Variants in ZBTB49 observed in about 807,000 individuals in gnomAD.
The protein encoded by ZBTB49 is zinc finger and BTB domain-containing protein 49.
Under a neutral mutation model 57.5 loss-of-function variants are expected in ZBTB49, and 43 were observed. The ratio of observed to expected loss-of-function variants is 0.75; its 90% CI spans 0.59 to 0.97. The LOEUF (loss-of-function observed/expected upper bound fraction) is 0.97, where lower values mean the gene tolerates loss of function less well. ZBTB49 is among the 50% of genes least tolerant of loss of function. ZBTB49 has a pLI of 0.00. For missense variants in ZBTB49, 938 were observed against 947.7 expected (o/e 0.99, Z 0.13); for synonymous variants, 369 against 362.1 (o/e 1.02, Z -0.22).
chr4:4,297,101 C>G (rs59440667), intron 1 of ZBTB49, among the ~76,000 whole-genome samples: 3 of 152,068 alleles, frequency 2.0e-5, no homozygotes, highest in African/African-American at 7.2e-5. Flanking sequence ...GACAGAGTCT[C>G]GCTTTGTCGC....
intron 5 of ZBTB49, among the ~76,000 whole-genome samples, chr4:4,315,135 G>A (rs572865741): frequency 6.6e-6 from 1 of 152,312 alleles, no homozygotes; most frequent in Admixed American, 6.5e-5. Flanking sequence ...ACTTTATAGT[G>A]AAAAGAGCGA....
chr4:4,304,983 GGAGTAGGATTGT>G (rs1300096842), intron 3 of ZBTB49, among the ~76,000 whole-genome samples: 3 of 152,070 alleles, frequency 2.0e-5, no homozygotes, highest in Non-Finnish European at 4.4e-5. Context: ...GAGGCCTACT[GGAGTAGGATTGT>G]TAACCTTGGT....
chr4:4,294,730 A>G (rs545259942), intron 1 of ZBTB49, among the ~76,000 whole-genome samples: 1 of 152,126 alleles, frequency 6.6e-6, no homozygotes, highest in Non-Finnish European at 1.5e-5. Flanking sequence ...GGTCATTCCA[A>G]ATAACTTTTT....
chr4:4,307,737 C>T (rs1360308069), intron 4 of ZBTB49, among the ~76,000 whole-genome samples: 3 of 152,208 alleles, frequency 2.0e-5, no homozygotes, highest in East Asian at 3.9e-4. Context: ...AAGCATGAGA[C>T]TCGGACTAAT....
intron 4 of ZBTB49, among the ~76,000 whole-genome samples, chr4:4,309,006 T>C (rs1720863076): frequency 6.6e-6 from 1 of 152,164 alleles, no homozygotes; most frequent in Non-Finnish European, 1.5e-5. Flanking sequence ...GGATGCGTGG[T>C]AAAGAATGCC....
chr4:4,306,301 T>C, intron 4 of ZBTB49, 117 bp downstream of exon 4: 2 of 827,456 alleles, frequency 2.4e-6, no homozygotes, highest in Non-Finnish European at 2.0e-6. Context: ...GTCTGTAACT[T>C]AAAGACTTCA....
At position 4,306,166 on chromosome 4, in the gene ZBTB49, T is replaced by C. The variant is rs745390082; in HGVS notation, c.1284T>C (p.Cys428=). The C allele has an allele frequency of 6.2e-7, 1 of 1,613,096 alleles. No homozygotes were observed. The highest frequency in any genetic ancestry group is 1.7e-5 in the Admixed American group (1 of 59,844). ...TGEKPFECNI[C]GKHFSQAGNL... ...AGAAACCTTTTGAATGTAACATTTG[T>C]GGGAAACATTTCTCTCAGGTGGGAA... The change falls in exon 4 of 8, where the codon TGT becomes TGC. Residue 428 remains cysteine, a synonymous_variant. Coordinates refer to ENST00000337872, the MANE Select transcript of ZBTB49 (RefSeq NM_145291.4).
intron 3 of ZBTB49, among the ~76,000 whole-genome samples, chr4:4,304,248 C>T (rs1333369614): frequency 1.4e-5 from 2 of 141,606 alleles, no homozygotes; most frequent in African/African-American, 5.3e-5. Flanking sequence ...TTTTTTGAGA[C>T]AGAGTTTCGC....
chr4:4,297,696 C>T (rs1473710786), intron 1 of ZBTB49, among the ~76,000 whole-genome samples: 2 of 151,598 alleles, frequency 1.3e-5, no homozygotes, highest in Non-Finnish European at 2.9e-5. Flanking sequence ...ATCACCTGAG[C>T]CCAGGAGGTT....
chr4:4,296,486 C>G (rs1004877430), intron 1 of ZBTB49, among the ~76,000 whole-genome samples: 14 of 152,196 alleles, frequency 9.2e-5, no homozygotes, highest in African/African-American at 1.7e-4. Flanking sequence ...CACAAGCGCT[C>G]TCTTTGCCTG....
At chr4:4,309,072 T>C (rs142937716) in intron 4 of ZBTB49, among the ~76,000 whole-genome samples, 7 of 152,398 alleles carry the variant, frequency 4.6e-5, no homozygotes, top group Non-Finnish European at 1.0e-4. Context: ...TGAACTAGAA[T>C]AAATGTTTGT....
At chr4:4,320,479 T>G (rs896939535) in intron 7 of ZBTB49, among the ~76,000 whole-genome samples, 161 bp from the exon 8 acceptor site, 1 of 152,044 alleles carries the variant, frequency 6.6e-6, no homozygotes, top group African/African-American at 2.4e-5. Context: ...CTCTACAAAA[T>G]GTATATGTAT....
Position 4,299,123 on chromosome 4 carries a change from T to A in ZBTB49, c.-19-804T>A, listed in dbSNP as rs77710650. 5.3e-3 allele frequency among the ~76,000 whole-genome samples: 808 copies of A among 152,310 alleles called. 5 individuals are homozygous for A. Among genetic ancestry groups the A allele is most frequent in the African/African-American group, 0.018 (742 of 41,564 alleles). On this transcript the variant is annotated intron_variant, in intron 1 of 7. Coordinates refer to ENST00000337872, the MANE Select transcript of ZBTB49 (RefSeq NM_145291.4). ...AAGTCCCGCAGGCCTGGGCATGACC[T>A]GACCCTCTGTCCCCTCTAGGATGTC...
chr4:4,312,555 C>T (rs1184362450), intron 4 of ZBTB49, among the ~76,000 whole-genome samples: 2 of 152,202 alleles, frequency 1.3e-5, no homozygotes, highest in African/African-American at 2.4e-5. Flanking sequence ...GTGTACTTGC[C>T]AGAGGAAGTA....
intron 4 of ZBTB49, among the ~76,000 whole-genome samples, chr4:4,311,910 A>G (rs983079483): frequency 2.1e-5 from 3 of 144,164 alleles, no homozygotes; most frequent in African/African-American, 7.5e-5. Flanking sequence ...TGAATCTTTC[A>G]TGTTATATAG....
intron 7 of ZBTB49, among the ~76,000 whole-genome samples, chr4:4,318,557 G>A (rs192121781): frequency 6.6e-6 from 1 of 152,254 alleles, no homozygotes; most frequent in Admixed American, 6.5e-5. Context: ...GCAGTGAGCC[G>A]AGATCGTGCC....
At chr4:4,317,217 T>A (rs1721227764) in intron 7 of ZBTB49, among the ~76,000 whole-genome samples, 1 of 152,176 alleles carries the variant, frequency 6.6e-6, no homozygotes. Context: ...GTTCTGCCCT[T>A]TCCCTGCCTC....
At chr4:4,304,221 T>A in intron 3 of ZBTB49, among the ~76,000 whole-genome samples, 1 of 138,388 alleles carries the variant, frequency 7.2e-6, no homozygotes, top group South Asian at 2.3e-4. Context: ...TAATGATTAC[T>A]GCAATTTTTT....
At chr4:4,291,147 A>G (rs1719886334) in intron 1 of ZBTB49, among the ~76,000 whole-genome samples, 1 of 152,234 alleles carries the variant, frequency 6.6e-6, no homozygotes, top group African/African-American at 2.4e-5. Flanking sequence ...TAGAAGGTGT[A>G]TTAGTTTGCT....
Sources: gnomAD v4.1 joint callset for allele counts (sites outside exome capture counted in the v4.1 genomes callset) on GRCh38, gnomAD v4.1.1 for gene constraint, MANE v1.5 for transcripts, NCBI Gene and HGNC (gene_info 2026-07-23, HGNC 2026-07-21) for gene names.